Variants in PRDM10 observed in about 807,000 individuals in gnomAD.
The protein encoded by PRDM10 is PR/SET domain 10, also known as PR domain zinc finger protein 10.
A neutral mutation model predicts 133.1 loss-of-function variants in PRDM10; 65 were observed. The observed-to-expected ratio is 0.49, with a 90% CI of 0.40 to 0.60. The LOEUF (loss-of-function observed/expected upper bound fraction) is 0.60, where lower values mean the gene tolerates loss of function less well. Among genes scored for constraint, PRDM10 ranks in the 20% least tolerant of loss-of-function variants. PRDM10 has a pLI of 0.00. For missense variants in PRDM10, 1,137 were observed against 1,507.1 expected, an observed-to-expected ratio of 0.75 and a Z score of 4.07; for synonymous variants, 582 against 580.4, an observed-to-expected ratio of 1.00 and a Z score of -0.04.
chr11:129,963,148 CAAAA>C (rs199907787), intron 1 of PRDM10, among the ~76,000 whole-genome samples: 1 of 125,078 alleles, frequency 8.0e-6, no homozygotes, highest in Non-Finnish European at 1.7e-5. Context: ...GACTCTATCT[CAAAA>C]AAAAAAAAAA....
intron 2 of PRDM10, among the ~76,000 whole-genome samples, chr11:129,959,431 C>A (rs1951755308): frequency 6.6e-6 from 1 of 152,124 alleles, no homozygotes; most frequent in South Asian, 2.1e-4. Flanking sequence ...CATGTTTCCT[C>A]CAGACAAGCT....
chr11:129,999,270 C>T (rs1939218306), intron 1 of PRDM10, among the ~76,000 whole-genome samples: 1 of 152,216 alleles, frequency 6.6e-6, no homozygotes, highest in African/African-American at 2.4e-5. Flanking sequence ...AAGTTCCCCT[C>T]TCACCCTCCT....
intron 19 of PRDM10, among the ~76,000 whole-genome samples, chr11:129,907,684 T>TGA (rs1950058293): frequency 6.6e-6 from 1 of 152,068 alleles, no homozygotes; most frequent in South Asian, 2.1e-4. Flanking sequence ...ATTACAGACG[T>TGA]GAGCCACTGT....
chr11:129,944,844 C>T lies in PRDM10; in HGVS notation c.689G>A (p.Arg230His). 1 of 1,614,118 alleles carries T rather than the reference C, an allele frequency of 6.2e-7. No homozygotes were observed. Among genetic ancestry groups the T allele is most frequent in the Non-Finnish European group, 8.5e-7 (1 of 1,180,020 alleles). ...GVFSKRRIPKRTQFGPVEGPL... is the reference protein window; with the variant it reads ...GVFSKRRIPKHTQFGPVEGPL... ...CCCCTCCACGGGGCCAAACTGGGTG[C>T]GCTTGGGGATGCGCCGCTTGGAGAA... The change falls in exon 6 of 21, where the codon CGC becomes CAC. Residue 230 changes from arginine (R) to histidine (H), a missense_variant. Physicochemically the swap from Arg to His is conservative, Grantham distance 29. Transcript: ENST00000360871.
At chr11:129,992,678 G>A (rs1938819604) in intron 1 of PRDM10, among the ~76,000 whole-genome samples, 1 of 152,178 alleles carries the variant, frequency 6.6e-6, no homozygotes, top group Admixed American at 6.5e-5. Flanking sequence ...AGCCAGAGTT[G>A]AGGTAACTAC....
At chr11:129,983,021 G>GGCTGCT (rs1452209597) in intron 1 of PRDM10, among the ~76,000 whole-genome samples, 1 of 152,070 alleles carries the variant, frequency 6.6e-6, no homozygotes, top group African/African-American at 2.4e-5. Context: ...CTGTCGTCCA[G>GGCTGCT]GCTGGAGTGC....
chr11:130,002,485 C>A (rs1939478205), intron 1 of PRDM10, among the ~76,000 whole-genome samples: 1 of 152,118 alleles, frequency 6.6e-6, no homozygotes, highest in African/African-American at 2.4e-5. Flanking sequence ...GTGCCTCGTC[C>A]CAGCCCCGGC....
intron 4 of PRDM10, among the ~76,000 whole-genome samples, chr11:129,954,542 C>T (rs774681504): frequency 9.9e-5 from 15 of 151,852 alleles, no homozygotes; most frequent in Non-Finnish European, 1.9e-4. Flanking sequence ...TGGGATTACA[C>T]GTGTGAGCCA....
intron 19 of PRDM10, among the ~76,000 whole-genome samples, chr11:129,908,058 C>A (rs1329443790): frequency 6.6e-6 from 1 of 151,544 alleles, no homozygotes; most frequent in Non-Finnish European, 1.5e-5. Flanking sequence ...TATGATCACA[C>A]CACTGTACTC....
chr11:129,972,395 G>T (rs1952052146), intron 1 of PRDM10, among the ~76,000 whole-genome samples: 1 of 152,214 alleles, frequency 6.6e-6, no homozygotes, highest in Non-Finnish European at 1.5e-5. Flanking sequence ...AAAATGACTG[G>T]CAACAATAGC....
At chr11:129,920,653 T>C (rs114413454) in intron 13 of PRDM10, among the ~76,000 whole-genome samples, 2,024 of 151,936 alleles carry the variant, frequency 0.013, 46 homozygotes, top group African/African-American at 0.046. Context: ...CACTCCCTGC[T>C]GCTCCCTCTG....
At chr11:129,961,796 T>A (rs887396949) in intron 1 of PRDM10, among the ~76,000 whole-genome samples, 1 of 152,086 alleles carries the variant, frequency 6.6e-6, no homozygotes, top group African/African-American at 2.4e-5. Flanking sequence ...ATATATAATA[T>A]CTTATAAAAT....
chr11:129,915,518 C>T (rs1950329440), intron 16 of PRDM10, 142 bp downstream of exon 16: 4 of 945,958 alleles, frequency 4.2e-6, no homozygotes, highest in East Asian at 2.5e-5. Flanking sequence ...TCTCTGTTTA[C>T]AGTGACTAGG....
At chr11:129,967,424 G>T (rs981742490) in intron 1 of PRDM10, among the ~76,000 whole-genome samples, 18 of 152,004 alleles carry the variant, frequency 1.2e-4, no homozygotes, top group African/African-American at 3.9e-4. Flanking sequence ...AAACCCACTT[G>T]TGTCAGAAGT....
chr11:129,971,281 C>T (rs918849504), intron 1 of PRDM10, among the ~76,000 whole-genome samples: 1 of 152,180 alleles, frequency 6.6e-6, no homozygotes, highest in Non-Finnish European at 1.5e-5. Flanking sequence ...GCTCGGGCAG[C>T]CTGCTTTTAT....
chr11:129,995,959 A>T (rs1939043335), intron 1 of PRDM10, among the ~76,000 whole-genome samples: 1 of 152,100 alleles, frequency 6.6e-6, no homozygotes, highest in Non-Finnish European at 1.5e-5. Flanking sequence ...AACAAAAGAA[A>T]AGAAAAGAAA....
At chr11:129,919,297 G>A (rs991988761) in intron 13 of PRDM10, among the ~76,000 whole-genome samples, 7 of 152,170 alleles carry the variant, frequency 4.6e-5, no homozygotes, top group African/African-American at 9.7e-5. Flanking sequence ...AATCTGGGAG[G>A]TGGAGGCTGC....
chr11:129,995,445 G>C (rs1345762324), intron 1 of PRDM10, among the ~76,000 whole-genome samples: 1 of 152,166 alleles, frequency 6.6e-6, no homozygotes, highest in Non-Finnish European at 1.5e-5. Flanking sequence ...TCTCAGAGAG[G>C]ACAGTTAAAA....
chr11:129,980,981 C>T (rs944225541), intron 1 of PRDM10, among the ~76,000 whole-genome samples: 11 of 148,300 alleles, frequency 7.4e-5, no homozygotes, highest in African/African-American at 2.7e-4. Context: ...AATTGATTCT[C>T]CTGCCTCAGC....
Sources: allele counts gnomAD v4.1 joint callset (sites outside exome capture counted in the v4.1 genomes callset), GRCh38; gene constraint gnomAD v4.1.1; transcripts MANE v1.5; gene names NCBI Gene and HGNC (gene_info 2026-07-23, HGNC 2026-07-21).